The following CSMD2 variants were observed in gnomAD, a reference collection of about 807,000 sequenced individuals.
CSMD2 encodes the protein CUB and Sushi multiple domains 2.
CSMD2 carries 130 observed loss-of-function variants against 398.5 expected under a neutral mutation model. The ratio of observed to expected loss-of-function variants is 0.33; its 90% CI spans 0.28 to 0.38. The LOEUF (loss-of-function observed/expected upper bound fraction) is 0.38. CSMD2 is among the 10% of genes least tolerant of loss of function. The pLI, the probability that CSMD2 is intolerant of heterozygous loss-of-function variation, is 1.00. For synonymous variants in CSMD2, 1,828 were observed against 1,908.5 expected (o/e 0.96, Z 1.10); for missense variants, 3,829 against 4,764.9 (o/e 0.80, Z 5.78).
Position 33,972,190 on chromosome 1 carries a change from G to C in CSMD2, c.518-36236C>G, listed in dbSNP as rs551385148. On this transcript the variant is annotated intron_variant, in intron 3 of 70. Transcript: ENST00000373381. ...ACAGGGCTTGAGAGAACAGAGAAAA[G>C]AAAAAGGGGAATGTGGCCCAGCCCT... Among the ~76,000 whole-genome samples the C allele has an allele frequency of 2.0e-5, 3 of 152,270 alleles. No individual in the cohort carries two copies. In the South Asian group the frequency reaches 6.2e-4, roughly 32 times the overall value.
intron 5 of CSMD2, among the ~76,000 whole-genome samples, chr1:33,866,679 C>T (rs1640061234): frequency 6.6e-6 from 1 of 152,332 alleles, no homozygotes; most frequent in South Asian, 2.1e-4. Flanking sequence ...GAGCTATCCC[C>T]CTCCTGCTCT....
intron 13 of CSMD2, among the ~76,000 whole-genome samples, chr1:33,759,810 G>C (rs1178986623): frequency 6.6e-6 from 1 of 152,150 alleles, no homozygotes; most frequent in Non-Finnish European, 1.5e-5. Context: ...TGCCCAAACT[G>C]GTTTTGAGAA....
chr1:33,649,876 G>T (rs916133562), intron 28 of CSMD2, among the ~76,000 whole-genome samples: 2 of 152,258 alleles, frequency 1.3e-5, no homozygotes, highest in Admixed American at 6.5e-5. Flanking sequence ...AGATAAGGCT[G>T]GCTAAGAGAC....
At chr1:33,973,876 A>G (rs549428093) in intron 3 of CSMD2, among the ~76,000 whole-genome samples, 1 of 152,300 alleles carries the variant, frequency 6.6e-6, no homozygotes, top group East Asian at 1.9e-4. Flanking sequence ...AAAGACGTCA[A>G]CACACTGAGA....
At chr1:33,589,785 C>T (rs1237862594) in intron 44 of CSMD2, among the ~76,000 whole-genome samples, 2 of 152,272 alleles carry the variant, frequency 1.3e-5, no homozygotes, top group East Asian at 3.9e-4. Context: ...TTCTTTGCCC[C>T]TATTTTTCTT....
intron 1 of CSMD2, among the ~76,000 whole-genome samples, chr1:34,152,448 G>A (rs1640412010): frequency 6.6e-6 from 1 of 152,148 alleles, no homozygotes; most frequent in African/African-American, 2.4e-5. Context: ...GGCCAAGCCA[G>A]CCAGCCATCC....
intron 19 of CSMD2, 65 bp from the exon 20 acceptor site, chr1:33,716,566 C>T: frequency 1.8e-6 from 2 of 1,090,598 alleles, no homozygotes; most frequent in Non-Finnish European, 2.7e-6. Flanking sequence ...AGCTGCAAGA[C>T]AGGATCTACA....
intron 2 of CSMD2, among the ~76,000 whole-genome samples, chr1:34,036,029 G>A (rs1429913332): frequency 6.6e-6 from 1 of 152,040 alleles, no homozygotes; most frequent in Non-Finnish European, 1.5e-5. Context: ...CAATGCTGGT[G>A]ATGATACAGG....
chr1:33,837,578 C>T (rs369468337), intron 6 of CSMD2, among the ~76,000 whole-genome samples: 6 of 152,196 alleles, frequency 3.9e-5, no homozygotes, highest in East Asian at 1.9e-4. Context: ...GGCTGCTTCT[C>T]GTACTGTGCC....
rs578001275 is a variant in CSMD2 at position 33,948,896 on chromosome 1, G to A, written c.518-12942C>T. ...AGAGGTAGGGATCAAGGGCTGTCAG[G>A]GTCAGGGAGACACAGGGCATCATGG... On this transcript the variant is annotated intron_variant, in intron 3 of 70. Coordinates refer to ENST00000373381, the MANE Select transcript of CSMD2 (RefSeq NM_001281956.2). Among the ~76,000 whole-genome samples, 88 of 152,246 alleles carry A rather than the reference G, an allele frequency of 5.8e-4. 2 individuals carry two copies. Among genetic ancestry groups the A allele is most frequent in the Admixed American group, 9.2e-4 (14 of 15,294 alleles).
At chr1:33,729,931 G>T (rs1646667998) in intron 15 of CSMD2, among the ~76,000 whole-genome samples, 1 of 152,122 alleles carries the variant, frequency 6.6e-6, no homozygotes. Flanking sequence ...TTTACTCTCT[G>T]ACCCAGCAAT....
intron 2 of CSMD2, among the ~76,000 whole-genome samples, chr1:34,059,120 C>G (rs1484436527): frequency 6.6e-6 from 1 of 152,154 alleles, no homozygotes; most frequent in Non-Finnish European, 1.5e-5. Context: ...CAAGGTCCTG[C>G]TAGGCTCAAG....
intron 5 of CSMD2, among the ~76,000 whole-genome samples, chr1:33,897,793 C>T (rs572004416): frequency 6.6e-6 from 1 of 152,358 alleles, no homozygotes; most frequent in Non-Finnish European, 1.5e-5. Flanking sequence ...TGAGTTGATT[C>T]AGGTTTGATA....
intron 2 of CSMD2, among the ~76,000 whole-genome samples, chr1:34,076,520 C>A (rs564582159): frequency 1.6e-4 from 25 of 152,308 alleles, no homozygotes; most frequent in East Asian, 1.4e-3. Flanking sequence ...GCAGTTGGGA[C>A]AACCACAAAT....
chr1:33,580,694 G>C (rs1421566825), intron 48 of CSMD2, 59 bp downstream of exon 48: 7 of 1,598,120 alleles, frequency 4.4e-6, no homozygotes, highest in Non-Finnish European at 6.0e-6. Context: ...TCTCCACAGA[G>C]GAGCTTGAGG....
intron 51 of CSMD2, among the ~76,000 whole-genome samples, chr1:33,569,960 CTT>C (rs1659435903): frequency 1.3e-5 from 2 of 152,188 alleles, no homozygotes; most frequent in African/African-American, 4.8e-5. Flanking sequence ...GCCTCACACT[CTT>C]TGTCAACAGA....
intron 3 of CSMD2, among the ~76,000 whole-genome samples, chr1:34,006,017 A>G (rs1159210626): frequency 3.3e-5 from 5 of 152,198 alleles, no homozygotes; most frequent in African/African-American, 9.6e-5. Context: ...ATGTGGTCTG[A>G]ACACATGGTT....
chr1:34,143,442 C>T (rs931294691), intron 1 of CSMD2, among the ~76,000 whole-genome samples: 1 of 152,160 alleles, frequency 6.6e-6, no homozygotes, highest in Non-Finnish European at 1.5e-5. Context: ...TTCCTGTGTG[C>T]TCCCATAACC....
intron 2 of CSMD2, among the ~76,000 whole-genome samples, chr1:34,082,147 G>C (rs143145383): frequency 6.7e-6 from 1 of 149,688 alleles, no homozygotes; most frequent in African/African-American, 2.5e-5. Flanking sequence ...GGGATGTGAG[G>C]AGCACCTCTG....
Sources: allele counts gnomAD v4.1 joint callset (sites outside exome capture counted in the v4.1 genomes callset), GRCh38; gene constraint gnomAD v4.1.1; transcripts MANE v1.5; gene names NCBI Gene and HGNC (gene_info 2026-07-23, HGNC 2026-07-21).